Variants in ANKRD44 observed in about 807,000 individuals in gnomAD.
The protein encoded by ANKRD44 is ankyrin repeat domain 44.
A neutral mutation model predicts 116.0 loss-of-function variants in ANKRD44; 35 were observed. The observed-to-expected ratio is 0.30, with a 90% CI of 0.23 to 0.40. The LOEUF is 0.40. Ranked by LOEUF, ANKRD44 falls within the 10% of genes least tolerant of loss-of-function variation. The pLI is 1.00. For synonymous variants in ANKRD44, 435 were observed against 461.8 expected, an observed-to-expected ratio of 0.94 and a Z score of 0.74; for missense variants, 1,014 against 1,242.6, an observed-to-expected ratio of 0.82 and a Z score of 2.77.
At chr2:197,185,685 A>C (rs1373086909) in intron 2 of ANKRD44, among the ~76,000 whole-genome samples, 2 of 152,226 alleles carry the variant, frequency 1.3e-5, no homozygotes, top group Non-Finnish European at 2.9e-5. Flanking sequence ...GACCTTCCAG[A>C]TACAGTGATT....
chr2:197,264,078 G>A (rs1032236163), intron 1 of ANKRD44, among the ~76,000 whole-genome samples: 3 of 152,120 alleles, frequency 2.0e-5, no homozygotes, highest in Non-Finnish European at 2.9e-5. Flanking sequence ...AACATAGTGA[G>A]ATCATGTTTC....
chr2:196,980,977 C>G (rs1226734136), intron 21 of ANKRD44, among the ~76,000 whole-genome samples: 1 of 152,032 alleles, frequency 6.6e-6, no homozygotes, highest in Non-Finnish European at 1.5e-5. Context: ...TCATGTTGGC[C>G]TCCTCAGATT....
rs2081097466 is a variant in ANKRD44, at chr2:197,201,811, A to T, written c.28-14705T>A. 6.6e-6 allele frequency among the ~76,000 whole-genome samples: 1 copy of T among 152,118 alleles called. No homozygotes were observed. Among genetic ancestry groups the T allele is most frequent in the South Asian group, 2.1e-4 (1 of 4,828 alleles). ...ACATAGTGCCCCATAGGTAGTTTTT[A>T]ATCTCTTGCCCTCCTCCCATCCTGC... On this transcript the variant is annotated intron_variant, in intron 1 of 27. Transcript: ENST00000282272. The surrounding 1 kb of genome is among the most constrained non-coding windows in gnomAD (Gnocchi z 4.0).
chr2:197,059,863 T>C lies in ANKRD44; in HGVS notation c.1650+18840A>G, dbSNP rs565879842. 2.7e-4 allele frequency among the ~76,000 whole-genome samples: 41 copies of C among 152,366 alleles called. No homozygotes were observed. The South Asian group carries it at 5.2e-3, about 19-fold the overall frequency. On this transcript the variant is annotated intron_variant, in intron 16 of 27. Transcript: ENST00000282272. ...CTCTGATATTTTGAAAACAAGGTGA[T>C]ATTCAACTTGTCAAACCAAGTCCAG...
intron 1 of ANKRD44, among the ~76,000 whole-genome samples, chr2:197,261,876 T>C (rs182539051): frequency 4.6e-5 from 7 of 152,204 alleles, no homozygotes; most frequent in African/African-American, 1.7e-4. Flanking sequence ...CCTGCAAGTC[T>C]AGTTCATCCT....
chr2:197,150,422 G>A (rs1356313944), intron 2 of ANKRD44, among the ~76,000 whole-genome samples: 3 of 152,010 alleles, frequency 2.0e-5, no homozygotes, highest in Non-Finnish European at 4.4e-5. Context: ...GGTGGAGGGC[G>A]CCTGTAGTCC....
At chr2:197,235,529 T>C (rs766851537) in intron 1 of ANKRD44, among the ~76,000 whole-genome samples, 1 of 151,574 alleles carries the variant, frequency 6.6e-6, no homozygotes, top group Non-Finnish European at 1.5e-5. Context: ...GGCAGGAGGA[T>C]TGCTTGAATC....
In ANKRD44 at chr2:196,987,279, AG is replaced by A. The variant is rs2075848859; in HGVS notation, c.*2311del. On this transcript the variant is annotated 3_prime_UTR_variant, in exon 28 of 28. Transcript: ENST00000282272. ...TCATATTCATTTCAATGCAAGTACA[AG>A]GGGAAATAGGAAAAAAGACACTTTA... The A allele has an allele frequency of 3.0e-6, 3 of 985,124 alleles. No individual in the cohort carries two copies. The highest frequency in any genetic ancestry group is 3.5e-5 in the African/African-American group (2 of 57,370). The allele number at this position is 985,124 out of a possible 1,614,324, so 61.0% of individuals were successfully genotyped here.
At chr2:197,231,845 G>A (rs937198163) in intron 1 of ANKRD44, among the ~76,000 whole-genome samples, 1 of 152,046 alleles carries the variant, frequency 6.6e-6, no homozygotes, top group African/African-American at 2.4e-5. Flanking sequence ...CTATGTGCCA[G>A]GTGCTTCACT....
chr2:197,185,335 C>G (rs961342837), intron 2 of ANKRD44, among the ~76,000 whole-genome samples: 7 of 152,208 alleles, frequency 4.6e-5, no homozygotes, highest in African/African-American at 1.4e-4. Context: ...GCCACACCAA[C>G]CTGCACTGCC....
chr2:197,013,527 G>A lies in ANKRD44; in HGVS notation c.1908C>T (p.Thr636=). Residue 636 remains threonine, a synonymous_variant, in exon 18 of 28, where the codon ACC becomes ACT. Transcript: ENST00000282272. The part of the protein sequence containing the change: ...IFVKDNVTKR[T]PLHASVINGH... ...AAGACCTACCTGAGGCATGAAGTGGGGTTCTTTTGGTTACATTGTCTTTCA... is the reference window on the plus strand; with the variant it reads ...AAGACCTACCTGAGGCATGAAGTGGAGTTCTTTTGGTTACATTGTCTTTCA... 1.2e-6 allele frequency: 2 copies of A among 1,614,190 alleles called. No homozygotes were observed. Among genetic ancestry groups the A allele is most frequent in the Non-Finnish European group, 8.5e-7 (1 of 1,180,040 alleles).
At position 197,109,245 on chromosome 2, in the gene ANKRD44, A is replaced by G. The variant is rs574513727; in HGVS notation, c.985+1521T>C. 2.6e-5 allele frequency among the ~76,000 whole-genome samples: 4 copies of G among 152,358 alleles called. No individual in the cohort carries two copies. The South Asian group carries it at 8.3e-4, about 32-fold the overall frequency. ...AAACAGTTGAGAAATACAGTGGCAT[A>G]AGAGACGTGCTCGAAAGAGACTAGG... On this transcript the variant is annotated intron_variant, in intron 9 of 27. Coordinates refer to ENST00000282272, the MANE Select transcript of ANKRD44 (RefSeq NM_001195144.2).
At chr2:197,057,641 A>G (rs1192091303) in intron 16 of ANKRD44, among the ~76,000 whole-genome samples, 1 of 152,230 alleles carries the variant, frequency 6.6e-6, no homozygotes, top group African/African-American at 2.4e-5. Context: ...TGGGAAGCCA[A>G]GGCCAGGAGT....
At chr2:197,226,584 A>G (rs1574312946) in intron 1 of ANKRD44, among the ~76,000 whole-genome samples, 1 of 152,106 alleles carries the variant, frequency 6.6e-6, no homozygotes, top group East Asian at 1.9e-4. Context: ...GAATCACTTG[A>G]ACCAGGGAGG....
intron 16 of ANKRD44, among the ~76,000 whole-genome samples, chr2:197,046,641 CAA>C (rs11381131): frequency 6.9e-6 from 1 of 145,648 alleles, no homozygotes. Context: ...GCGAGACTGG[CAA>C]AAAAAAAAAA....
chr2:196,989,390 T>A lies in ANKRD44; in HGVS notation c.*201A>T. ...AACAAAGACTGGTACACAGAAAGAT[T>A]ACATTTAACTCCATAAAAAAGCTAC... On this transcript the variant is annotated 3_prime_UTR_variant, in exon 28 of 28. Transcript: ENST00000282272. 1 of 1,164,464 alleles carries A rather than the reference T, an allele frequency of 8.6e-7. No individual in the cohort carries two copies. Among genetic ancestry groups the A allele is most frequent in the East Asian group, 4.1e-5 (1 of 24,658 alleles). The allele number at this position is 1,164,464 out of a possible 1,614,324, so 72.1% of individuals were successfully genotyped here. A position where few individuals can be genotyped will look rare whatever the true frequency, so the allele number is the denominator to read the frequency against.
At chr2:197,285,179 G>A (rs1487414149) in intron 1 of ANKRD44, among the ~76,000 whole-genome samples, 2 of 151,920 alleles carry the variant, frequency 1.3e-5, no homozygotes, top group South Asian at 2.1e-4. Flanking sequence ...TTTAGGTTAT[G>A]TAAGGCCTGT....
At chr2:197,121,967 T>A (rs1574496061) in intron 7 of ANKRD44, among the ~76,000 whole-genome samples, 1 of 151,424 alleles carries the variant, frequency 6.6e-6, no homozygotes, top group East Asian at 1.9e-4. Context: ...GCAGGGGAGG[T>A]GGCTGTGGAG....
intron 8 of ANKRD44, among the ~76,000 whole-genome samples, chr2:197,118,629 G>GAA (rs749167134): frequency 1.3e-5 from 1 of 75,298 alleles, no homozygotes; most frequent in African/African-American, 1.0e-4. Flanking sequence ...GAGAGAGAGA[G>GAA]AGAGAGAGAG....
Sources: gnomAD v4.1 joint callset for allele counts (sites outside exome capture counted in the v4.1 genomes callset) on GRCh38, gnomAD v4.1.1 for gene constraint, Gnocchi (gnomAD v3.1) non-coding constraint, MANE v1.5 for transcripts, NCBI Gene and HGNC (gene_info 2026-07-23, HGNC 2026-07-21) for gene names.